MMP16: variants seen among roughly 807,000 people sequenced by gnomAD.
MMP16 encodes matrix metallopeptidase 16, also known as matrix metalloproteinase-16.
MMP16 carries 12 observed loss-of-function variants against 67.8 expected under a neutral mutation model. The ratio of observed to expected loss-of-function variants is 0.18; its 90% CI spans 0.11 to 0.29. The LOEUF (loss-of-function observed/expected upper bound fraction) is 0.29, where lower values mean the gene tolerates loss of function less well. MMP16 is among the 10% of genes least tolerant of loss of function. The pLI, the probability that MMP16 is intolerant of heterozygous loss-of-function variation, is 1.00. For missense variants in MMP16, 475 were observed against 765.7 expected (o/e 0.62, Z 4.48); for synonymous variants, 249 against 255.9 (o/e 0.97, Z 0.26).
chr8:88,324,945 T>C (rs1326609191), intron 1 of MMP16, among the ~76,000 whole-genome samples: 3 of 152,164 alleles, frequency 2.0e-5, no homozygotes, highest in Admixed American at 2.0e-4. Flanking sequence ...AAATACTATT[T>C]GAGGATAACA....
At chr8:88,250,874 C>T (rs1810203353) in intron 1 of MMP16, among the ~76,000 whole-genome samples, 1 of 150,678 alleles carries the variant, frequency 6.6e-6, no homozygotes, top group Non-Finnish European at 1.5e-5. Context: ...TGTGCTGCAC[C>T]CACTAACTCA....
At chr8:88,079,227 G>A (rs930534072) in intron 6 of MMP16, among the ~76,000 whole-genome samples, 4 of 152,138 alleles carry the variant, frequency 2.6e-5, no homozygotes, top group Middle Eastern at 6.8e-3. Flanking sequence ...CTGTGGTTTC[G>A]CTTTCCACAG....
Position 88,071,931 on chromosome 8 carries a change from C to T in MMP16, c.1222+2674G>A, listed in dbSNP as rs561023673. Among the ~76,000 whole-genome samples the T allele has an allele frequency of 3.3e-5, 5 of 152,026 alleles. No individual in the cohort carries two copies. The South Asian group carries it at 1.0e-3, about 32-fold the overall frequency. On this transcript the variant is annotated intron_variant, in intron 7 of 9. Coordinates refer to ENST00000286614, the MANE Select transcript of MMP16 (RefSeq NM_005941.5). Reference sequence around the variant, plus strand: ...TCATTACAGAAAAAGTCTGTCAAAGCCCAGTTTAAGATATTGGGGATAAAA... The same window carrying T: ...TCATTACAGAAAAAGTCTGTCAAAGTCCAGTTTAAGATATTGGGGATAAAA...
intron 1 of MMP16, among the ~76,000 whole-genome samples, chr8:88,277,120 A>G (rs1192975099): frequency 2.6e-5 from 4 of 152,184 alleles, no homozygotes; most frequent in Non-Finnish European, 5.9e-5. Context: ...TATGCAATAC[A>G]TATTAACTAT....
chr8:88,120,547 A>T (rs938316379), intron 4 of MMP16, among the ~76,000 whole-genome samples: 2 of 151,902 alleles, frequency 1.3e-5, no homozygotes, highest in African/African-American at 4.8e-5. Flanking sequence ...GTATGCTATC[A>T]ATGGGCTAAG....
intron 7 of MMP16, among the ~76,000 whole-genome samples, chr8:88,071,284 A>C (rs1212052191): frequency 6.6e-6 from 1 of 152,152 alleles, no homozygotes; most frequent in African/African-American, 2.4e-5. Context: ...TCATTTATAC[A>C]TATAGTTGAA....
rs564245983 is a variant in MMP16, at chr8:88,210,038, TATACTACAAG to T, written c.133-12742_133-12733del. Among the ~76,000 whole-genome samples, 19 of 152,096 alleles carry T rather than the reference TATACTACAAG, an allele frequency of 1.2e-4. No individual in the cohort carries two copies. The East Asian group carries it at 2.5e-3, about 20-fold the overall frequency. On this transcript the variant is annotated intron_variant, in intron 1 of 9. Transcript: ENST00000286614. The stretch of plus-strand genomic sequence containing the variant: ...CTCTATCCCTCTTTCCAGCAGTGAG[TATACTACAAG>T]AAGTTGGCAGTCTACAGCCTGGAAG...
rs182049410 is a variant in MMP16 at position 88,155,830 on chromosome 8, A to C, written c.709+11839T>G. Among the ~76,000 whole-genome samples, 24 of 152,212 alleles carry C rather than the reference A, an allele frequency of 1.6e-4. 1 individual carries two copies. The highest frequency in any genetic ancestry group is 1.4e-3 in the Admixed American group (22 of 15,276). ...TTGTTTTTCTGGTTTTCTTGATAAA[A>C]TACTTTCAGTGACAGCCTTTTATTC... On this transcript the variant is annotated intron_variant, in intron 4 of 9. Transcript: ENST00000286614.
chr8:88,298,616 A>G (rs1811047493), intron 1 of MMP16, among the ~76,000 whole-genome samples: 1 of 152,164 alleles, frequency 6.6e-6, no homozygotes, highest in Admixed American at 6.5e-5. Context: ...AAGCCAAACA[A>G]TCATCACTTT....
chr8:88,089,614 GTAA>G (rs1808899693), intron 6 of MMP16, among the ~76,000 whole-genome samples: 1 of 151,792 alleles, frequency 6.6e-6, no homozygotes, highest in African/African-American at 2.4e-5. Context: ...AGGAAATGAA[GTAA>G]TAATACATGG....
At chr8:88,294,413 TAC>T (rs1810976081) in intron 1 of MMP16, among the ~76,000 whole-genome samples, 1 of 141,912 alleles carries the variant, frequency 7.0e-6, no homozygotes, top group East Asian at 1.9e-4. Flanking sequence ...TATACATATA[TAC>T]ACATATATAC....
rs749270258 is a variant in MMP16 at position 88,041,929 on chromosome 8, C to T, written c.1490-134G>A. On this transcript the variant is annotated intron_variant, in intron 9 of 9. Coordinates refer to ENST00000286614, the MANE Select transcript of MMP16 (RefSeq NM_005941.5). The surrounding 1 kb of genome is among the most constrained non-coding windows in gnomAD (Gnocchi z 6.0). ...CTTTAATTTTCATAGGAAGAAAACA[C>T]TATTTTCAGCTCAGCTGTCTGTTAA... The T allele has an allele frequency of 2.5e-5, 17 of 682,096 alleles. No homozygotes were observed. The highest frequency in any genetic ancestry group is 3.6e-5 in the Non-Finnish European group (15 of 411,794). The allele number at this position is 682,096 out of a possible 1,614,324, so 42.3% of individuals were successfully genotyped here.
intron 1 of MMP16, among the ~76,000 whole-genome samples, chr8:88,241,038 C>T (rs1810025194): frequency 6.7e-6 from 1 of 149,776 alleles, no homozygotes; most frequent in Admixed American, 6.6e-5. Flanking sequence ...GAATCTTGAA[C>T]TTTTATTCTT....
chr8:88,125,112 A>C (rs962433818), intron 4 of MMP16, among the ~76,000 whole-genome samples: 1 of 151,748 alleles, frequency 6.6e-6, no homozygotes, highest in Non-Finnish European at 1.5e-5. Context: ...AAAATTCCTC[A>C]GTCCAATTTG....
chr8:88,074,867 T>G (rs1382632883), intron 6 of MMP16, 124 bp from the exon 7 acceptor site: 2 of 1,253,646 alleles, frequency 1.6e-6, no homozygotes, highest in East Asian at 2.4e-5. Context: ...ATTAAATCAG[T>G]CAGAGAAAGA....
chr8:88,309,940 G>GCTAAA (rs1811270378), intron 1 of MMP16, among the ~76,000 whole-genome samples: 1 of 151,996 alleles, frequency 6.6e-6, no homozygotes. Flanking sequence ...AGTTTTACAT[G>GCTAAA]CTAATGGACA....
intron 6 of MMP16, among the ~76,000 whole-genome samples, chr8:88,086,276 G>A (rs961867279): frequency 1.3e-5 from 2 of 151,796 alleles, no homozygotes; most frequent in African/African-American, 2.4e-5. Flanking sequence ...CTGCAGTTAG[G>A]GAAAGTAGTC....
intron 4 of MMP16, among the ~76,000 whole-genome samples, chr8:88,165,200 G>C (rs200416485): frequency 9.2e-6 from 1 of 109,148 alleles, no homozygotes; most frequent in African/African-American, 3.5e-5. Context: ...AAAAAAAAAA[G>C]AAAGAAAGAA....
chr8:88,308,754 T>G (rs187887390), intron 1 of MMP16, among the ~76,000 whole-genome samples: 1 of 152,048 alleles, frequency 6.6e-6, no homozygotes, highest in Admixed American at 6.6e-5. Context: ...AAACTGAAAG[T>G]TATAACATAA....
Sources: gnomAD v4.1 joint callset for allele counts (sites outside exome capture counted in the v4.1 genomes callset) on GRCh38, gnomAD v4.1.1 for gene constraint, Gnocchi (gnomAD v3.1) non-coding constraint, MANE v1.5 for transcripts, NCBI Gene and HGNC (gene_info 2026-07-23, HGNC 2026-07-21) for gene names.